Variants in RIMS1 observed in about 807,000 individuals in gnomAD.
RIMS1 encodes the protein regulating synaptic membrane exocytosis protein 1.
RIMS1 carries 83 observed loss-of-function variants against 214.1 expected under a neutral mutation model. That is an observed-to-expected ratio of 0.39 (90% CI 0.32 to 0.47). RIMS1 has a LOEUF of 0.47. Ranked by LOEUF, RIMS1 falls within the 20% of genes least tolerant of loss-of-function variation. The pLI, the probability that RIMS1 is intolerant of heterozygous loss-of-function variation, is 0.99. For synonymous variants in RIMS1, 793 were observed against 786.8 expected (o/e 1.01, Z -0.13); for missense variants, 2,050 against 2,161.8 (o/e 0.95, Z 1.03).
chr6:72,298,821 C>T (rs2094346747), intron 26 of RIMS1, among the ~76,000 whole-genome samples: 1 of 150,386 alleles, frequency 6.6e-6, no homozygotes, highest in Admixed American at 6.6e-5. Flanking sequence ...CTACATCTGG[C>T]CTGCTCCTCC....
At chr6:71,902,010 G>A (rs960238631) in intron 1 of RIMS1, among the ~76,000 whole-genome samples, 1 of 152,118 alleles carries the variant, frequency 6.6e-6, no homozygotes, top group Non-Finnish European at 1.5e-5. Flanking sequence ...GAAGGGGAAA[G>A]AAGCATGAGA....
intron 1 of RIMS1, among the ~76,000 whole-genome samples, chr6:71,928,271 C>T (rs950360184): frequency 1.3e-5 from 2 of 152,046 alleles, no homozygotes; most frequent in African/African-American, 4.8e-5. Flanking sequence ...AAAGATTTAA[C>T]AGTATACCCC....
At chr6:72,111,079 G>A (rs925773774) in intron 4 of RIMS1, among the ~76,000 whole-genome samples, 10 of 152,240 alleles carry the variant, frequency 6.6e-5, no homozygotes, top group African/African-American at 2.2e-4. Flanking sequence ...TGTCTTTAAT[G>A]TTTCCTTGTA....
At chr6:72,399,186 G>A (rs2098812238) in intron 33 of RIMS1, 92 bp downstream of exon 33, 1 of 1,128,094 alleles carries the variant, frequency 8.9e-7, no homozygotes, top group Non-Finnish European at 1.2e-6. Flanking sequence ...ATAAAATTTG[G>A]TAAAGATAAA....
rs1241162336 is a variant in RIMS1, at chr6:72,292,005, A to G, written c.3809A>G (p.Gln1270Arg). The G allele has an allele frequency of 6.4e-7, 1 of 1,561,556 alleles. No homozygotes were observed. Among genetic ancestry groups the G allele is most frequent in the East Asian group, 2.4e-5 (1 of 41,518 alleles). ...TCGTTCAGCAGTCGCAGGGGAAGAC[A>G]GCTCCCACAAGTGCCAGTGAGAAGC... is the stretch of plus-strand genomic sequence containing the variant. ...DTSFSSRRGR[Q>R]LPQVPVRSGS... is the part of the protein sequence containing the mutation. Residue 1270 changes from glutamine (Q) to arginine (R), a missense_variant, in exon 26 of 34, where the codon CAG (glutamine) becomes CGG (arginine). Around this residue, in one of 6 missense-constraint regions of RIMS1, gnomAD observed 889 missense variants for 885.5 expected, o/e 1.00. Coordinates refer to ENST00000521978, the MANE Select transcript of RIMS1 (RefSeq NM_014989.7).
chr6:72,094,819 T>C (rs1361005626), intron 2 of RIMS1, among the ~76,000 whole-genome samples: 3 of 152,154 alleles, frequency 2.0e-5, no homozygotes, highest in African/African-American at 7.2e-5. Flanking sequence ...TTTCTCCTTC[T>C]CATTTATATT....
chr6:72,400,287 C>T (rs914963353), intron 33 of RIMS1, among the ~76,000 whole-genome samples: 1 of 152,140 alleles, frequency 6.6e-6, no homozygotes, highest in Non-Finnish European at 1.5e-5. Flanking sequence ...TCCTTCATTC[C>T]ATCAGACTAA....
chr6:72,053,781 G>T (rs1825367929), intron 2 of RIMS1, among the ~76,000 whole-genome samples: 1 of 152,058 alleles, frequency 6.6e-6, no homozygotes, highest in Non-Finnish European at 1.5e-5. Flanking sequence ...ATCAGATTTG[G>T]CAGTAATTAA....
At chr6:72,125,324 CAAATAT>C (rs1164641832) in intron 4 of RIMS1, among the ~76,000 whole-genome samples, 1 of 152,164 alleles carries the variant, frequency 6.6e-6, no homozygotes, top group Non-Finnish European at 1.5e-5. Context: ...TGCAGAACAG[CAAATAT>C]TGCTGCCTGA....
At chr6:72,064,098 A>C (rs1431699996) in intron 2 of RIMS1, among the ~76,000 whole-genome samples, 1 of 152,178 alleles carries the variant, frequency 6.6e-6, no homozygotes, top group Admixed American at 6.5e-5. Flanking sequence ...TGGGTGGATC[A>C]CCTGAGGTCA....
At position 72,047,895 on chromosome 6, in the gene RIMS1, C is replaced by T. The variant is rs116913938; in HGVS notation, c.246-49054C>T. Among the ~76,000 whole-genome samples, 36 of 152,252 alleles carry T rather than the reference C, an allele frequency of 2.4e-4. No individual in the cohort carries two copies. In the East Asian group the frequency reaches 6.8e-3, roughly 29 times the overall value. On this transcript the variant is annotated intron_variant, in intron 2 of 33. Coordinates refer to ENST00000521978, the MANE Select transcript of RIMS1 (RefSeq NM_014989.7). Reference sequence around the variant, plus strand: ...TCTTTGGGTTTATTGGGCAGTTTGTCTTTATTTGCTTTCTACTTCTATTAT... The same window carrying T: ...TCTTTGGGTTTATTGGGCAGTTTGTTTTTATTTGCTTTCTACTTCTATTAT...
chr6:72,089,886 T>G (rs1287091559), intron 2 of RIMS1, among the ~76,000 whole-genome samples: 3 of 148,006 alleles, frequency 2.0e-5, no homozygotes, highest in South Asian at 2.2e-4. Flanking sequence ...TGGATGAAAT[T>G]GGAAATCATC....
At chr6:72,009,910 G>T (rs1407210809) in intron 2 of RIMS1, among the ~76,000 whole-genome samples, 1 of 152,026 alleles carries the variant, frequency 6.6e-6, no homozygotes, top group South Asian at 2.1e-4. Flanking sequence ...GGAAGAGCTG[G>T]TACCATTCCT....
At chr6:71,905,695 C>T (rs553929188) in intron 1 of RIMS1, among the ~76,000 whole-genome samples, 11 of 152,160 alleles carry the variant, frequency 7.2e-5, no homozygotes, top group African/African-American at 2.6e-4. Context: ...GTGAGAAGAG[C>T]GTTAGCAGCC....
chr6:71,922,518 C>T (rs933065796), intron 1 of RIMS1, among the ~76,000 whole-genome samples: 4 of 152,194 alleles, frequency 2.6e-5, no homozygotes, highest in Admixed American at 1.3e-4. Flanking sequence ...GCAGCCTGGA[C>T]GATAGAGCGA....
chr6:72,328,593 A>G (rs558774958), intron 28 of RIMS1, among the ~76,000 whole-genome samples: 1 of 151,930 alleles, frequency 6.6e-6, no homozygotes, highest in East Asian at 1.9e-4. Context: ...CTACTTGGAC[A>G]ACTATCCCTA....
intron 4 of RIMS1, among the ~76,000 whole-genome samples, chr6:72,149,009 C>T (rs2043141356): frequency 6.6e-6 from 1 of 152,024 alleles, no homozygotes. Flanking sequence ...AAAAAATCTG[C>T]CACGTAGAAA....
In RIMS1 at chr6:72,393,085, GA is replaced by G. The variant is rs36027740; in HGVS notation, c.4618+290del. On this transcript the variant is annotated intron_variant, in intron 31 of 33. Coordinates refer to ENST00000521978, the MANE Select transcript of RIMS1 (RefSeq NM_014989.7). ...GACATGGGTGGCATTTCACAGCATG[GA>G]AAAAAAAAAAAAAAGACTGTTCAGT... Among the ~76,000 whole-genome samples, 176 of 131,606 alleles carry G rather than the reference GA, an allele frequency of 1.3e-3. 1 individual carries two copies. The highest frequency in any genetic ancestry group is 2.9e-3 in the Admixed American group (38 of 12,980). The allele number at this position is 131,606 out of a possible 152,430, so 86.3% of individuals were successfully genotyped here.
At chr6:72,332,130 A>G (rs1272306048) in intron 28 of RIMS1, among the ~76,000 whole-genome samples, 1 of 151,718 alleles carries the variant, frequency 6.6e-6, no homozygotes, top group African/African-American at 2.4e-5. Context: ...TCATATTAGG[A>G]TTTTTTCTGA....
Sources: allele counts gnomAD v4.1 joint callset (sites outside exome capture counted in the v4.1 genomes callset), GRCh38; gene constraint gnomAD v4.1.1; regional missense constraint gnomAD v4.1.1; transcripts MANE v1.5; gene names NCBI Gene and HGNC (gene_info 2026-07-23, HGNC 2026-07-21).